ANO4: variants seen among roughly 807,000 people sequenced by gnomAD.
The protein encoded by ANO4 is anoctamin-4.
ANO4 carries 69 observed loss-of-function variants against 141.9 expected under a neutral mutation model. That is an observed-to-expected ratio of 0.49 (90% confidence interval 0.40 to 0.59). The LOEUF (loss-of-function observed/expected upper bound fraction) is 0.59. Ranked by LOEUF, ANO4 falls within the 20% of genes least tolerant of loss-of-function variation. ANO4 has a pLI of 0.00. For synonymous variants in ANO4, 350 were observed against 394.3 expected, an observed-to-expected ratio of 0.89 and a Z score of 1.33; for missense variants, 894 against 1,162.2, an observed-to-expected ratio of 0.77 and a Z score of 3.36.
chr12:100,746,453 T>TAAAAAAAAAAAAAAAAAAAAAAA (rs58996492), intron 3 of ANO4, among the ~76,000 whole-genome samples: 2 of 147,002 alleles, frequency 1.4e-5, no homozygotes, highest in Non-Finnish European at 3.0e-5. Context: ...ACTCTGTTAT[T>TAAAAAAAAAAAAAAAAAAAAAAA]AAAAAGAATG....
chr12:101,067,384 T>C (rs935572245), intron 14 of ANO4, among the ~76,000 whole-genome samples: 6 of 152,346 alleles, frequency 3.9e-5, no homozygotes, highest in African/African-American at 1.4e-4. Flanking sequence ...GGTAATAGTA[T>C]GTGATAAGAT....
At chr12:100,767,646 G>T (rs898551873) in intron 3 of ANO4, among the ~76,000 whole-genome samples, 5 of 152,170 alleles carry the variant, frequency 3.3e-5, no homozygotes, top group Admixed American at 6.5e-5. Flanking sequence ...AACAGCACAA[G>T]ATTTTATCAT....
At chr12:100,829,246 G>C (rs79823588) in intron 1 of ANO4, among the ~76,000 whole-genome samples, 1 of 151,936 alleles carries the variant, frequency 6.6e-6, no homozygotes, top group Non-Finnish European at 1.5e-5. Context: ...TGCTTATTAG[G>C]TGGGTAACTT....
In ANO4 at chr12:101,048,275, GA is replaced by G. The variant is rs1446111405; in HGVS notation, c.1252-60del. On this transcript the variant is annotated intron_variant, in intron 13 of 27. Coordinates refer to ENST00000392977, the MANE Select transcript of ANO4 (RefSeq NM_001286615.2). Reference sequence around the variant, plus strand: ...AATCACAGCTATTTTTACAGAACTTGAAAAAATTTGAATTGGAATATCATAT... The same window carrying G: ...AATCACAGCTATTTTTACAGAACTTGAAAAATTTGAATTGGAATATCATAT... The G allele has an allele frequency of 2.6e-6, 4 of 1,541,626 alleles. No individual in the cohort carries two copies. The African/African-American group carries it at 5.5e-5, about 21-fold the overall frequency.
At chr12:100,824,441 A>C (rs187127890) in intron 1 of ANO4, among the ~76,000 whole-genome samples, 35 of 152,200 alleles carry the variant, frequency 2.3e-4, no homozygotes, top group Non-Finnish European at 3.2e-4. Context: ...AACAAACAAA[A>C]AAAAACTTTA....
chr12:100,944,958 A>G (rs1326298494), intron 5 of ANO4, among the ~76,000 whole-genome samples: 2 of 152,180 alleles, frequency 1.3e-5, no homozygotes, highest in East Asian at 3.8e-4. Flanking sequence ...CTACAGCAGA[A>G]AGACAATTTT....
At chr12:100,981,725 C>T (rs1241726438) in intron 7 of ANO4, among the ~76,000 whole-genome samples, 1 of 152,106 alleles carries the variant, frequency 6.6e-6, no homozygotes, top group Non-Finnish European at 1.5e-5. Context: ...GGGAAATGAC[C>T]TTTCTTCTAC....
intron 5 of ANO4, among the ~76,000 whole-genome samples, chr12:100,959,817 G>C (rs1425257649): frequency 6.6e-6 from 1 of 151,944 alleles, no homozygotes; most frequent in African/African-American, 2.4e-5. Context: ...CTTGATCCTG[G>C]GTCCCCTTTT....
chr12:100,829,830 G>T (rs1426147795), intron 1 of ANO4, among the ~76,000 whole-genome samples: 2 of 151,912 alleles, frequency 1.3e-5, no homozygotes, highest in Admixed American at 1.3e-4. Context: ...TTGTGAAGTG[G>T]GTGCCATAGC....
intron 5 of ANO4, among the ~76,000 whole-genome samples, chr12:100,951,350 T>C (rs148694744): frequency 1.3e-3 from 191 of 152,280 alleles, no homozygotes; most frequent in Admixed American, 4.8e-3. Context: ...CCCAAAGGAA[T>C]ATAAGTCATT....
intron 1 of ANO4, among the ~76,000 whole-genome samples, chr12:100,888,610 C>T (rs7136777): frequency 0.081 from 12,371 of 152,280 alleles, 661 homozygotes; most frequent in African/African-American, 0.13. Context: ...CTTCTTGTGC[C>T]TCCATTGGCT....
chr12:101,040,145 A>T, intron 11 of ANO4, 69 bp downstream of exon 11: 1 of 1,502,322 alleles, frequency 6.7e-7, no homozygotes, highest in African/African-American at 1.4e-5. Flanking sequence ...CAGCTGGGAC[A>T]AGCTCCCAAT....
intron 1 of ANO4, among the ~76,000 whole-genome samples, chr12:100,877,791 G>A (rs1334993257): frequency 6.6e-6 from 1 of 152,050 alleles, no homozygotes; most frequent in Non-Finnish European, 1.5e-5. Flanking sequence ...GTTCTGTTAT[G>A]GCTCTTATTT....
At chr12:100,993,984 G>A (rs926020418) in intron 8 of ANO4, among the ~76,000 whole-genome samples, 5 of 152,186 alleles carry the variant, frequency 3.3e-5, no homozygotes, top group East Asian at 3.8e-4. Flanking sequence ...CACTGGGGCT[G>A]AATAACTCCT....
chr12:100,732,738 C>G (rs1449617463), intron 1 of ANO4, among the ~76,000 whole-genome samples: 2 of 152,198 alleles, frequency 1.3e-5, no homozygotes, highest in Non-Finnish European at 2.9e-5. Flanking sequence ...TTTGAGCTCT[C>G]TTCTGCCACA....
chr12:101,040,706 C>T (rs7132935), intron 11 of ANO4, among the ~76,000 whole-genome samples: 3,124 of 152,200 alleles, frequency 0.021, 127 homozygotes, highest in African/African-American at 0.072. Flanking sequence ...CTGCACCCAT[C>T]AACCCGTCAC....
chr12:101,006,420 C>G (rs1040132657), intron 8 of ANO4, among the ~76,000 whole-genome samples: 6 of 152,230 alleles, frequency 3.9e-5, no homozygotes, highest in Non-Finnish European at 8.8e-5. Context: ...TTCTTAAGAC[C>G]TGTCCTATTG....
intron 1 of ANO4, among the ~76,000 whole-genome samples, chr12:100,817,518 A>C (rs2035803770): frequency 1.3e-5 from 2 of 151,978 alleles, no homozygotes; most frequent in Admixed American, 1.3e-4. Flanking sequence ...TAATATATGT[A>C]AAATGTGGGT....
In ANO4 at chr12:101,083,672, C is replaced by T; in HGVS notation, c.1396-6C>T. 6.2e-7 allele frequency: 1 copy of T among 1,601,944 alleles called. No individual in the cohort carries two copies. Among genetic ancestry groups the T allele is most frequent in the South Asian group, 1.1e-5 (1 of 87,714 alleles). On this transcript the variant is annotated splice_polypyrimidine_tract_variant and splice_region_variant and intron_variant, in intron 15 of 27. Transcript: ENST00000392977. ...GTGCATTAAAATGTGTCTGCTTGTC[C>T]TTTAGGAAGAAATACGACCCCAGTT...
Sources: allele counts gnomAD v4.1 joint callset (sites outside exome capture counted in the v4.1 genomes callset), GRCh38; gene constraint gnomAD v4.1.1; transcripts MANE v1.5; gene names NCBI Gene and HGNC (gene_info 2026-07-23, HGNC 2026-07-21).